The following FLRT2 variants were observed in gnomAD, a reference collection of about 807,000 sequenced individuals.
The protein encoded by FLRT2 is fibronectin leucine rich transmembrane protein 2, also known as leucine-rich repeat transmembrane protein FLRT2.
A neutral mutation model predicts 40.0 loss-of-function variants in FLRT2; 15 were observed. That is an observed-to-expected ratio of 0.38 (90% confidence interval 0.25 to 0.58). The LOEUF (loss-of-function observed/expected upper bound fraction) is 0.58, where lower values mean the gene tolerates loss of function less well. Ranked by LOEUF, FLRT2 falls within the 20% of genes least tolerant of loss-of-function variation. The pLI is 0.71. For synonymous variants in FLRT2, 380 were observed against 336.8 expected, an observed-to-expected ratio of 1.13 and a Z score of -1.41; for missense variants, 726 against 840.0, an observed-to-expected ratio of 0.86 and a Z score of 1.68.
intron 1 of FLRT2, among the ~76,000 whole-genome samples, chr14:85,544,161 A>T (rs1302529205): frequency 6.6e-6 from 1 of 152,130 alleles, no homozygotes; most frequent in African/African-American, 2.4e-5. Flanking sequence ...TACAACCACC[A>T]CCTTTCTGCC....
intron 1 of FLRT2, among the ~76,000 whole-genome samples, chr14:85,601,640 G>T (rs1313902721): frequency 6.6e-6 from 1 of 152,318 alleles, no homozygotes; most frequent in African/African-American, 2.4e-5. Flanking sequence ...CTTGAGCAAA[G>T]TCCTGCTACT....
intron 1 of FLRT2, among the ~76,000 whole-genome samples, chr14:85,600,609 A>G (rs1892342430): frequency 6.6e-6 from 1 of 152,226 alleles, no homozygotes; most frequent in African/African-American, 2.4e-5. Context: ...GCAAAGGAAA[A>G]TTGAAAGAGA....
At chr14:85,593,176 G>A (rs980993238) in intron 1 of FLRT2, among the ~76,000 whole-genome samples, 2 of 152,172 alleles carry the variant, frequency 1.3e-5, no homozygotes, top group Non-Finnish European at 2.9e-5. Context: ...AAAGGAAACA[G>A]ACATTTTGCT....
rs1164735602 is a variant in FLRT2 at position 85,646,144 on chromosome 14, C to T, written c.*22647C>T. 1.3e-5 allele frequency: 2 copies of T among 152,148 alleles called. No individual in the cohort carries two copies. Among genetic ancestry groups the T allele is most frequent in the Non-Finnish European group, 1.5e-5 (1 of 68,052 alleles). 9.4% of individuals were successfully genotyped at this position (152,148 alleles called of 1,614,324 possible). Reference sequence around the variant, plus strand: ...AGAGGTTAAGAAAATGAACTCAGGCCGGTAAGAGTCACTGTTATCATTCAC... The same window carrying T: ...AGAGGTTAAGAAAATGAACTCAGGCTGGTAAGAGTCACTGTTATCATTCAC... On this transcript the variant is annotated 3_prime_UTR_variant, in exon 2 of 2. Coordinates refer to ENST00000330753, the MANE Select transcript of FLRT2 (RefSeq NM_013231.6).
At position 85,651,203 on chromosome 14, in the gene FLRT2, T is replaced by C. The variant is rs548426811; in HGVS notation, c.*27706T>C. ...TGGTATATAGATATCTTTAATTACATATTTCTAAATTATTTTCATTTAAGT... is the reference window on the plus strand; with the variant it reads ...TGGTATATAGATATCTTTAATTACACATTTCTAAATTATTTTCATTTAAGT... On this transcript the variant is annotated 3_prime_UTR_variant, in exon 2 of 2. Transcript: ENST00000330753. 6 of 152,210 alleles carry C rather than the reference T, an allele frequency of 3.9e-5. No homozygotes were observed. In the South Asian group the frequency reaches 6.2e-4, roughly 16 times the overall value. The allele number at this position is 152,210 out of a possible 1,614,324, so 9.4% of individuals were successfully genotyped here. A position where few individuals can be genotyped will look rare whatever the true frequency, so the allele number is the denominator to read the frequency against.
Position 85,536,697 on chromosome 14 carries a change from A to C in FLRT2, c.-377+6163A>C, listed in dbSNP as rs369239423. 4.0e-5 allele frequency among the ~76,000 whole-genome samples: 6 copies of C among 151,210 alleles called. No individual in the cohort carries two copies. The East Asian group carries it at 1.2e-3, about 29-fold the overall frequency. ...GATGACGTCAGGGTGCTGGGGGTGA[A>C]TCCCAACAGTTCTGTAGTTCTTTCT... On this transcript the variant is annotated intron_variant, in intron 1 of 1. Transcript: ENST00000330753.
chr14:85,552,958 G>A (rs1479983902), intron 1 of FLRT2: 1 of 152,120 alleles, frequency 6.6e-6, no homozygotes, highest in African/African-American at 2.4e-5. Context: ...AGGAGTAATG[G>A]TATTTTTTCA....
chr14:85,548,759 G>A (rs1277500405), intron 1 of FLRT2, among the ~76,000 whole-genome samples: 1 of 152,168 alleles, frequency 6.6e-6, no homozygotes, highest in Admixed American at 6.5e-5. Flanking sequence ...TGTGGTCCCT[G>A]GCGAGAGCCA....
chr14:85,638,723 T>G lies in FLRT2; in HGVS notation c.*15226T>G, dbSNP rs943234849. 6.6e-6 allele frequency: 1 copy of G among 152,206 alleles called. No individual in the cohort carries two copies. The highest frequency in any genetic ancestry group is 2.1e-4 in the South Asian group (1 of 4,832). The allele number at this position is 152,206 out of a possible 1,614,324, so 9.4% of individuals were successfully genotyped here. A position where few individuals can be genotyped will look rare whatever the true frequency, so the allele number is the denominator to read the frequency against. On this transcript the variant is annotated 3_prime_UTR_variant, in exon 2 of 2. Transcript: ENST00000330753. The stretch of plus-strand genomic sequence containing the variant: ...TGAGCAGAGCGAAGTAACATTAATT[T>G]GTGTTATAACCACTGAATGTTCTAA...
chr14:85,554,267 T>G (rs1889822916), intron 1 of FLRT2, among the ~76,000 whole-genome samples: 1 of 152,174 alleles, frequency 6.6e-6, no homozygotes, highest in African/African-American at 2.4e-5. Context: ...CCTAAGGTAT[T>G]TAACAAAGTC....
chr14:85,537,586 GT>G (rs1285992382), intron 1 of FLRT2, among the ~76,000 whole-genome samples: 2 of 151,232 alleles, frequency 1.3e-5, no homozygotes, highest in Non-Finnish European at 2.9e-5. Context: ...TTACGTATCT[GT>G]TTATAGTAAA....
chr14:85,587,035 T>A (rs1397363585), intron 1 of FLRT2, among the ~76,000 whole-genome samples: 1 of 152,154 alleles, frequency 6.6e-6, no homozygotes, highest in Non-Finnish European at 1.5e-5. Flanking sequence ...CACAATTATA[T>A]ATTACTTTCT....
chr14:85,535,921 TG>T (rs71120516), intron 1 of FLRT2, among the ~76,000 whole-genome samples: 3,268 of 61,646 alleles, frequency 0.053, 43 homozygotes, highest in East Asian at 0.073. Flanking sequence ...TTTTTTTTTT[TG>T]TTGTTGTTGT....
intron 1 of FLRT2, among the ~76,000 whole-genome samples, chr14:85,570,239 A>G (rs1163558298): frequency 6.6e-6 from 1 of 152,218 alleles, no homozygotes; most frequent in African/African-American, 2.4e-5. Context: ...TATAGGCATC[A>G]CATTCCAACT....
chr14:85,549,250 A>G (rs1381362229), intron 1 of FLRT2, among the ~76,000 whole-genome samples: 2 of 152,200 alleles, frequency 1.3e-5, no homozygotes, highest in Non-Finnish European at 2.9e-5. Flanking sequence ...TAAGCCATCC[A>G]TGGATGGCAA....
At position 85,619,256 on chromosome 14, in the gene FLRT2, C is replaced by A. The variant is rs541265813; in HGVS notation, c.-376-1883C>A. On this transcript the variant is annotated intron_variant, in intron 1 of 1. Transcript: ENST00000330753. Reference sequence around the variant, plus strand: ...ATACCACCGCACCTGGCTAATTTTTCTAATTTTTAATAGAAATGGGGTTTC... The same window carrying A: ...ATACCACCGCACCTGGCTAATTTTTATAATTTTTAATAGAAATGGGGTTTC... 5.9e-5 allele frequency among the ~76,000 whole-genome samples: 9 copies of A among 151,888 alleles called. No individual in the cohort carries two copies. In the East Asian group the frequency reaches 1.8e-3, roughly 30 times the overall value.
At chr14:85,609,525 G>A (rs1026203371) in intron 1 of FLRT2, among the ~76,000 whole-genome samples, 3 of 152,174 alleles carry the variant, frequency 2.0e-5, no homozygotes, top group Admixed American at 6.5e-5. Context: ...CTGTTTCACC[G>A]GGAATTTGTT....
intron 1 of FLRT2, among the ~76,000 whole-genome samples, chr14:85,539,762 A>T (rs913710779): frequency 6.6e-6 from 1 of 152,228 alleles, no homozygotes; most frequent in Admixed American, 6.5e-5. Context: ...GATAACATTT[A>T]TCACTGCATG....
At position 85,532,469 on chromosome 14, in the gene FLRT2, C is replaced by T. The variant is rs1315066496; in HGVS notation, c.-377+1935C>T. Among the ~76,000 whole-genome samples, 3 of 152,154 alleles carry T rather than the reference C, an allele frequency of 2.0e-5. No individual in the cohort carries two copies. The East Asian group carries it at 5.8e-4, about 29-fold the overall frequency. On this transcript the variant is annotated intron_variant, in intron 1 of 1. Transcript: ENST00000330753. ...CTTGTTTGTTTGTTTTTTACATTAC[C>T]CTTTAACCTTTGGAAAGAGACTGCG...
Sources: gnomAD v4.1 joint callset for allele counts (sites outside exome capture counted in the v4.1 genomes callset) on GRCh38, gnomAD v4.1.1 for gene constraint, MANE v1.5 for transcripts, NCBI Gene and HGNC (gene_info 2026-07-23, HGNC 2026-07-21) for gene names.